The following CNTNAP2 variants were observed in gnomAD, a reference collection of about 807,000 sequenced individuals.
The protein encoded by CNTNAP2 is contactin-associated protein-like 2.
A neutral mutation model predicts 155.2 loss-of-function variants in CNTNAP2; 98 were observed. That is an observed-to-expected ratio of 0.63 (90% CI 0.54 to 0.75). CNTNAP2 has a LOEUF of 0.75. Among genes scored for constraint, CNTNAP2 ranks in the 30% least tolerant of loss-of-function variants. The pLI is 0.00. For missense variants in CNTNAP2, 1,727 were observed against 1,688.1 expected (o/e 1.02, Z -0.40); for synonymous variants, 651 against 631.2 (o/e 1.03, Z -0.47).
intron 1 of CNTNAP2, among the ~76,000 whole-genome samples, chr7:146,483,935 A>G (rs1487663843): frequency 6.6e-6 from 1 of 152,138 alleles, no homozygotes; most frequent in Non-Finnish European, 1.5e-5. Context: ...GTGCAGGGTA[A>G]TGTCCTCAGC....
At chr7:147,357,710 A>G (rs1329506856) in intron 9 of CNTNAP2, among the ~76,000 whole-genome samples, 1 of 152,078 alleles carries the variant, frequency 6.6e-6, no homozygotes, top group Non-Finnish European at 1.5e-5. Context: ...GGTTTCTGTC[A>G]TGATACTGTC....
chr7:146,903,381 A>C (rs926542735), intron 3 of CNTNAP2, among the ~76,000 whole-genome samples: 1 of 152,192 alleles, frequency 6.6e-6, no homozygotes, highest in Non-Finnish European at 1.5e-5. Flanking sequence ...AGCAAATTGC[A>C]TACTCAATAA....
intron 10 of CNTNAP2, among the ~76,000 whole-genome samples, chr7:147,404,154 G>T (rs929506980): frequency 1.3e-5 from 2 of 152,108 alleles, no homozygotes; most frequent in African/African-American, 4.8e-5. Flanking sequence ...AGGTAAAGGG[G>T]GCAGAAAGTC....
intron 1 of CNTNAP2, among the ~76,000 whole-genome samples, chr7:146,122,097 A>G (rs1228519431): frequency 2.6e-5 from 4 of 152,184 alleles, no homozygotes; most frequent in Non-Finnish European, 5.9e-5. Context: ...GTCTATGTCT[A>G]CAGTTCATTC....
At chr7:146,255,862 G>C (rs1379044105) in intron 1 of CNTNAP2, among the ~76,000 whole-genome samples, 2 of 152,154 alleles carry the variant, frequency 1.3e-5, no homozygotes, top group African/African-American at 2.4e-5. Flanking sequence ...TTCATCATGA[G>C]ACAGAGTGAA....
chr7:147,920,035 A>T (rs1482330908), intron 14 of CNTNAP2, among the ~76,000 whole-genome samples: 2 of 151,970 alleles, frequency 1.3e-5, no homozygotes, highest in Non-Finnish European at 2.9e-5. Flanking sequence ...GTGAAAGTTC[A>T]CTGGTAAAAT....
intron 1 of CNTNAP2, among the ~76,000 whole-genome samples, chr7:146,122,299 C>T (rs188701965): frequency 4.3e-4 from 65 of 152,290 alleles, no homozygotes; most frequent in Non-Finnish European, 8.4e-4. Flanking sequence ...TTATGGTGTT[C>T]GGTTCTTCCT....
chr7:146,849,023 C>G (rs1263624809), intron 3 of CNTNAP2, among the ~76,000 whole-genome samples: 1 of 152,128 alleles, frequency 6.6e-6, no homozygotes, highest in Non-Finnish European at 1.5e-5. Flanking sequence ...TCAAGTGATA[C>G]ACCCACCTAG....
intron 13 of CNTNAP2, among the ~76,000 whole-genome samples, chr7:147,769,694 G>A (rs1272541985): frequency 6.6e-6 from 1 of 152,160 alleles, no homozygotes; most frequent in Non-Finnish European, 1.5e-5. Context: ...TATCTATAAA[G>A]ACCATTGTTT....
intron 13 of CNTNAP2, among the ~76,000 whole-genome samples, chr7:147,857,219 T>C (rs1190369818): frequency 1.3e-5 from 2 of 152,254 alleles, no homozygotes; most frequent in African/African-American, 2.4e-5. Context: ...CCTGTATTTT[T>C]TGACATAAAC....
At chr7:147,583,524 AT>A (rs1563008304) in intron 12 of CNTNAP2, among the ~76,000 whole-genome samples, 4 of 147,322 alleles carry the variant, frequency 2.7e-5, no homozygotes, top group African/African-American at 9.9e-5. Flanking sequence ...ATATATATAT[AT>A]ATATATAATG....
In CNTNAP2 at chr7:147,395,623, A is replaced by C. The variant is rs1265197151; in HGVS notation, c.1513A>C (p.Met505Leu). The C allele has an allele frequency of 6.2e-7, 1 of 1,612,020 alleles. No individual in the cohort carries two copies. The highest frequency in any genetic ancestry group is 1.1e-5 in the South Asian group (1 of 91,032). Residue 505 changes from methionine to leucine, a missense_variant, in exon 10 of 24, where the codon ATG becomes CTG. By Grantham distance (15) the Met-to-Leu change is conservative. Transcript: ENST00000361727. The stretch of plus-strand genomic sequence containing the variant: ...CTGTTTCACAGGTTTTCTGAACCAG[A>C]TGAATAACTCAAGTCACTCTGTCCT... ...KYFFGGFLNQ[M>L]NNSSHSVLQP...
At chr7:146,878,704 C>T (rs1319604983) in intron 3 of CNTNAP2, among the ~76,000 whole-genome samples, 1 of 152,074 alleles carries the variant, frequency 6.6e-6, no homozygotes, top group Admixed American at 6.6e-5. Flanking sequence ...CCTCACTCCA[C>T]TCTAAGTACA....
chr7:146,246,242 A>T (rs369391411), intron 1 of CNTNAP2, among the ~76,000 whole-genome samples: 4,455 of 149,150 alleles, frequency 0.03, 88 homozygotes, highest in Middle Eastern at 0.06. Flanking sequence ...AAGGTGGGGT[A>T]ATACAAGAGG....
chr7:146,888,555 C>T (rs1436806935), intron 3 of CNTNAP2, among the ~76,000 whole-genome samples: 1 of 152,032 alleles, frequency 6.6e-6, no homozygotes, highest in Non-Finnish European at 1.5e-5. Flanking sequence ...ATCAAGACCA[C>T]CATTTCCTAG....
At chr7:147,413,202 T>C (rs1797133144) in intron 10 of CNTNAP2, among the ~76,000 whole-genome samples, 1 of 152,198 alleles carries the variant, frequency 6.6e-6, no homozygotes, top group African/African-American at 2.4e-5. Flanking sequence ...TGCCAGTGAA[T>C]TGAGTAAGAA....
chr7:148,200,402 T>C (rs75062538), intron 18 of CNTNAP2, among the ~76,000 whole-genome samples: 3,369 of 151,634 alleles, frequency 0.022, 41 homozygotes, highest in Non-Finnish European at 0.033. Context: ...TCTTTCTTTC[T>C]CTCTCTTTTT....
chr7:147,393,649 A>T (rs1796760933), intron 9 of CNTNAP2, among the ~76,000 whole-genome samples: 1 of 152,026 alleles, frequency 6.6e-6, no homozygotes, highest in African/African-American at 2.4e-5. Context: ...TAAACAGATC[A>T]TTTACCTAAT....
chr7:146,742,138 C>T (rs1000853170), intron 1 of CNTNAP2, among the ~76,000 whole-genome samples: 3 of 149,558 alleles, frequency 2.0e-5, no homozygotes, highest in Non-Finnish European at 3.0e-5. Context: ...CATTTTTGTC[C>T]ATCTGCCTTT....
Sources: allele counts gnomAD v4.1 joint callset (sites outside exome capture counted in the v4.1 genomes callset), GRCh38; gene constraint gnomAD v4.1.1; transcripts MANE v1.5; gene names NCBI Gene and HGNC (gene_info 2026-07-23, HGNC 2026-07-21).